SV2C: variants seen among roughly 807,000 people sequenced by gnomAD.
The protein encoded by SV2C is solute carrier family 22 member B3.
A neutral mutation model predicts 79.7 loss-of-function variants in SV2C; 49 were observed. The observed-to-expected ratio is 0.61, with a 90% CI of 0.49 to 0.78. The LOEUF (loss-of-function observed/expected upper bound fraction) is 0.78, where lower values mean the gene tolerates loss of function less well. Ranked by LOEUF, SV2C falls within the 30% of genes least tolerant of loss-of-function variation. The pLI, the probability that SV2C is intolerant of heterozygous loss-of-function variation, is 0.00. For missense variants in SV2C, 833 were observed against 912.9 expected, an observed-to-expected ratio of 0.91 and a Z score of 1.13; for synonymous variants, 334 against 333.2, an observed-to-expected ratio of 1.00 and a Z score of -0.03.
At chr5:75,889,664 A>T in the SV2C span, among the ~76,000 whole-genome samples, 1 of 152,158 alleles carries the variant, frequency 6.6e-6, no homozygotes, top group Admixed American at 6.6e-5. Context: ...ATTCTGAGGC[A>T]CTGGGGTCAG....
At chr5:75,937,753 A>G in the SV2C span, among the ~76,000 whole-genome samples, 1 of 152,088 alleles carries the variant, frequency 6.6e-6, no homozygotes, top group Non-Finnish European at 1.5e-5. Context: ...CTGTGCCATT[A>G]CTATTTCTCT....
chr5:76,073,505 A>C, the SV2C span, among the ~76,000 whole-genome samples: 1 of 37,960 alleles, frequency 2.6e-5, no homozygotes, highest in African/African-American at 2.0e-4. Flanking sequence ...ATGTGTGTGT[A>C]TATATATATA....
the SV2C span, among the ~76,000 whole-genome samples, chr5:76,077,242 G>A: frequency 6.6e-6 from 1 of 152,062 alleles, no homozygotes; most frequent in East Asian, 1.9e-4. Context: ...AGGAAATACA[G>A]GGAGCAGCAG....
At chr5:76,236,628 T>C (rs1246560258) in intron 4 of SV2C, among the ~76,000 whole-genome samples, 1 of 152,070 alleles carries the variant, frequency 6.6e-6, no homozygotes, top group African/African-American at 2.4e-5. Context: ...AGGTTCTTTT[T>C]AACAACCAGC....
At chr5:76,280,486 T>C (rs759710621) in intron 4 of SV2C, among the ~76,000 whole-genome samples, 2 of 152,166 alleles carry the variant, frequency 1.3e-5, no homozygotes, top group Non-Finnish European at 2.9e-5. Flanking sequence ...ACTGGAATCA[T>C]GCTGCAATCA....
At chr5:76,194,866 G>A in intron 2 of SV2C, 53 bp from the exon 3 acceptor site, 1 of 1,581,828 alleles carries the variant, frequency 6.3e-7, no homozygotes, top group Non-Finnish European at 8.6e-7. Context: ...GCTGTTACAT[G>A]TGTCATTGAC....
At chr5:75,998,276 G>T in the SV2C span, among the ~76,000 whole-genome samples, 1 of 151,940 alleles carries the variant, frequency 6.6e-6, no homozygotes, top group South Asian at 2.1e-4. Flanking sequence ...TACCAACATG[G>T]CACATGTATA....
intron 4 of SV2C, among the ~76,000 whole-genome samples, chr5:76,249,794 G>T (rs1746057497): frequency 6.6e-6 from 1 of 152,108 alleles, no homozygotes; most frequent in Admixed American, 6.5e-5. Context: ...GTGTTTTTGT[G>T]CGGCGTCAGT....
chr5:76,290,156 T>A (rs1747509279), intron 6 of SV2C, among the ~76,000 whole-genome samples: 1 of 152,184 alleles, frequency 6.6e-6, no homozygotes, highest in Non-Finnish European at 1.5e-5. Context: ...TTTGAGCCGA[T>A]TGCATTTGAT....
chr5:76,045,295 G>A, the SV2C span, among the ~76,000 whole-genome samples: 18 of 152,168 alleles, frequency 1.2e-4, no homozygotes, highest in South Asian at 4.2e-4. Flanking sequence ...TACCAGTACC[G>A]TGCTGTTTTG....
At chr5:76,102,493 C>T (rs898451825) in intron 1 of SV2C, among the ~76,000 whole-genome samples, 1 of 152,146 alleles carries the variant, frequency 6.6e-6, no homozygotes, top group Non-Finnish European at 1.5e-5. Flanking sequence ...TGCTCATTCT[C>T]TTGTCTGTAT....
chr5:76,087,999 C>T (rs1227653783), intron 1 of SV2C, among the ~76,000 whole-genome samples: 2 of 152,152 alleles, frequency 1.3e-5, no homozygotes, highest in African/African-American at 2.4e-5. Context: ...AGGCTGAAAA[C>T]CTTTGCATGG....
intron 1 of SV2C, among the ~76,000 whole-genome samples, chr5:76,116,247 C>T (rs116662155): frequency 2.9e-3 from 438 of 152,314 alleles, no homozygotes; most frequent in East Asian, 8.5e-3. Flanking sequence ...GTGGCACTCA[C>T]CACTACATGG....
chr5:75,948,133 T>A, the SV2C span, among the ~76,000 whole-genome samples: 1 of 152,016 alleles, frequency 6.6e-6, no homozygotes, highest in Non-Finnish European at 1.5e-5. Flanking sequence ...TTATCACTTA[T>A]CAAGTTACAT....
chr5:76,079,250 C>A (rs1746939741), upstream of SV2C: 1 of 325,404 alleles, frequency 3.1e-6, no homozygotes, highest in Non-Finnish European at 6.2e-6. Context: ...CAAAGAGGTA[C>A]TGCTTCTCAG....
chr5:76,128,849 C>G (rs1455159672), intron 1 of SV2C, among the ~76,000 whole-genome samples: 1 of 152,150 alleles, frequency 6.6e-6, no homozygotes, highest in Admixed American at 6.5e-5. Flanking sequence ...TGCTTGCGGA[C>G]CTTCTTATAG....
At chr5:76,306,727 G>GAATT (rs1748206652) in intron 12 of SV2C, among the ~76,000 whole-genome samples, 1 of 152,086 alleles carries the variant, frequency 6.6e-6, no homozygotes, top group South Asian at 2.1e-4. Flanking sequence ...AAACAGAAAT[G>GAATT]AATTAATAAC....
At chr5:76,287,580 A>G (rs905580061) in intron 6 of SV2C, among the ~76,000 whole-genome samples, 3 of 151,924 alleles carry the variant, frequency 2.0e-5, no homozygotes, top group African/African-American at 7.3e-5. Flanking sequence ...CTGCAGCTAC[A>G]TTCATCCCTC....
In SV2C at chr5:76,327,618, A is replaced by G. The variant is rs1337142849; in HGVS notation, c.*2071A>G. 2 of 152,260 alleles carry G rather than the reference A, an allele frequency of 1.3e-5. 1 individual carries two copies. The highest frequency in any genetic ancestry group is 2.9e-5 in the Non-Finnish European group (2 of 68,048). The allele number at this position is 152,260 out of a possible 1,614,324, so 9.4% of individuals were successfully genotyped here. ...AGCAGGTCTTTTAGTTGAATGCAGC[A>G]TGTGCAGAAATAACTGCAAAAGCCA... On this transcript the variant is annotated 3_prime_UTR_variant, in exon 13 of 13. Coordinates refer to ENST00000502798, the MANE Select transcript of SV2C (RefSeq NM_014979.4).
Sources: gnomAD v4.1 joint callset for allele counts (sites outside exome capture counted in the v4.1 genomes callset) on GRCh38, gnomAD v4.1.1 for gene constraint, MANE v1.5 for transcripts, NCBI Gene and HGNC (gene_info 2026-07-23, HGNC 2026-07-21) for gene names.